ZSWIM5: variants seen among roughly 807,000 people sequenced by gnomAD.
ZSWIM5 encodes the protein zinc finger SWIM domain-containing protein 5.
ZSWIM5 carries 55 observed loss-of-function variants against 119.6 expected under a neutral mutation model. That is an observed-to-expected ratio of 0.46 (90% CI 0.37 to 0.58). ZSWIM5 has a LOEUF of 0.58. Among genes scored for constraint, ZSWIM5 ranks in the 20% least tolerant of loss-of-function variants. ZSWIM5 has a pLI of 0.00. For missense variants in ZSWIM5, 1,193 were observed against 1,512.8 expected, an observed-to-expected ratio of 0.79 and a Z score of 3.51; for synonymous variants, 537 against 606.9, an observed-to-expected ratio of 0.88 and a Z score of 1.69.
chr1:45,169,991 G>T (rs1213973352), intron 1 of ZSWIM5, among the ~76,000 whole-genome samples: 3 of 151,704 alleles, frequency 2.0e-5, no homozygotes, highest in African/African-American at 4.8e-5. Flanking sequence ...CAACATTTCT[G>T]TGTGTGTGTG....
At chr1:45,104,792 T>C (rs1645459957) in intron 1 of ZSWIM5, among the ~76,000 whole-genome samples, 1 of 152,206 alleles carries the variant, frequency 6.6e-6, no homozygotes, top group East Asian at 1.9e-4. Context: ...TGGTTTTCCC[T>C]GTATTAACCT....
chr1:45,112,352 A>T (rs1035297269), intron 1 of ZSWIM5, among the ~76,000 whole-genome samples: 1 of 152,234 alleles, frequency 6.6e-6, no homozygotes, highest in African/African-American at 2.4e-5. Context: ...CAGGTTACAT[A>T]ACTTGTCTGT....
At chr1:45,100,249 C>A (rs346729) in intron 1 of ZSWIM5, among the ~76,000 whole-genome samples, 23,480 of 152,018 alleles carry the variant, frequency 0.15, 1,835 homozygotes, top group African/African-American at 0.17. Flanking sequence ...TCCTATACAC[C>A]AATAACAGAC....
intron 4 of ZSWIM5, among the ~76,000 whole-genome samples, chr1:45,051,468 T>C (rs1645088146): frequency 6.6e-6 from 1 of 152,176 alleles, no homozygotes; most frequent in Non-Finnish European, 1.5e-5. Context: ...TCTGTGTGCC[T>C]GTGATATAAA....
At chr1:45,070,911 A>C (rs1645217925) in intron 2 of ZSWIM5, among the ~76,000 whole-genome samples, 1 of 152,218 alleles carries the variant, frequency 6.6e-6, no homozygotes, top group Non-Finnish European at 1.5e-5. Flanking sequence ...GAAATTAGCA[A>C]AACATGGTTC....
In ZSWIM5 at chr1:45,088,126, C is replaced by T. The variant is rs1490841970; in HGVS notation, c.707G>A (p.Gly236Asp). 3 of 1,614,148 alleles carry T rather than the reference C, an allele frequency of 1.9e-6. No individual in the cohort carries two copies. The South Asian group carries it at 3.3e-5, about 18-fold the overall frequency. Reference protein sequence around the residue: ...DRCKITSVTCGCGNKDIFYCA... With the variant: ...DRCKITSVTCDCGNKDIFYCA... ...GTAGAATATGTCCTTGTTCCCACAG[C>T]CACATGTCACTGAGGTGATTTTGCA... Residue 236 changes from glycine to aspartate, a missense_variant, in exon 2 of 14, where the codon GGC becomes GAC. Gly to Asp is a moderately conservative substitution (Grantham distance 94). Around this residue, in one of 2 missense-constraint regions of ZSWIM5, gnomAD observed 961 missense variants for 1,290.0 expected, o/e 0.74. Transcript: ENST00000359600. This position sits in a 1 kb window ranked among gnomAD's most constrained non-coding sequence, Gnocchi z 4.2.
In ZSWIM5 at chr1:45,180,317, T is replaced by C. The variant is rs151003241; in HGVS notation, c.595+25439A>G. ...GGCTCGGAGGGTCCTACCCACGGAG[T>C]CTCACTGATTGCTAGCACAGCAGTC... On this transcript the variant is annotated intron_variant, in intron 1 of 13. Transcript: ENST00000359600. Among the ~76,000 whole-genome samples the C allele has an allele frequency of 1.6e-3, 241 of 151,942 alleles. 6 individuals carry two copies. In the East Asian group the frequency reaches 0.038, roughly 24 times the overall value.
chr1:45,065,487 T>C (rs534285230), intron 2 of ZSWIM5, among the ~76,000 whole-genome samples: 1 of 152,250 alleles, frequency 6.6e-6, no homozygotes, highest in South Asian at 2.1e-4. Flanking sequence ...CGGCAGTAGC[T>C]GTGGAAGAAA....
intron 8 of ZSWIM5, among the ~76,000 whole-genome samples, chr1:45,038,153 T>TA (rs1264030599): frequency 6.6e-6 from 1 of 152,258 alleles, no homozygotes; most frequent in African/African-American, 2.4e-5. Context: ...GCTACTCTAA[T>TA]AGAGTCTTGA....
chr1:45,160,983 G>A (rs1152022), intron 1 of ZSWIM5, among the ~76,000 whole-genome samples: 23,949 of 127,376 alleles, frequency 0.19, 2,586 homozygotes, highest in African/African-American at 0.35. Context: ...CACCATGCCC[G>A]GCTAAATTTT....
chr1:45,068,491 C>T (rs564976904), intron 2 of ZSWIM5, among the ~76,000 whole-genome samples: 1,316 of 51,092 alleles, frequency 0.026, 13 homozygotes, highest in Non-Finnish European at 0.039. Context: ...AGCGAAACTC[C>T]GTCTCAAAAA....
At position 45,020,778 on chromosome 1, in the gene ZSWIM5, CA is replaced by C; in HGVS notation, c.2459del (p.Leu820Ter). On this transcript the variant is annotated frameshift_variant, in exon 12 of 14. Transcript: ENST00000359600. LOFTEE classifies it high-confidence loss of function. ...TMLTAAKGDT[L>X]RLRTILEAIQ... ...TTGCTTCCAGAATTGTTCGGAGTCT[CA>C]AAGTGTCTCCTATAGGTGTCAAGAG... The C allele has an allele frequency of 6.2e-7, 1 of 1,614,014 alleles. No individual in the cohort carries two copies. Among genetic ancestry groups the C allele is most frequent in the Non-Finnish European group, 8.5e-7 (1 of 1,179,962 alleles).
chr1:45,028,563 C>G (rs1235318090), intron 11 of ZSWIM5, among the ~76,000 whole-genome samples: 3 of 151,864 alleles, frequency 2.0e-5, no homozygotes, highest in African/African-American at 7.3e-5. Context: ...TGAGACCAGC[C>G]TGGCTATCAT....
intron 1 of ZSWIM5, among the ~76,000 whole-genome samples, chr1:45,098,489 G>A (rs999735291): frequency 6.6e-6 from 1 of 152,042 alleles, no homozygotes; most frequent in Non-Finnish European, 1.5e-5. Flanking sequence ...CTTTCCAATG[G>A]GGAAATAATA....
chr1:45,186,277 G>A (rs2149051303), intron 1 of ZSWIM5, among the ~76,000 whole-genome samples: 1 of 148,708 alleles, frequency 6.7e-6, no homozygotes, highest in South Asian at 2.2e-4. Context: ...GGGAGGGAGA[G>A]CATTAGGAGA....
At chr1:45,176,366 C>G (rs546328178) in intron 1 of ZSWIM5, among the ~76,000 whole-genome samples, 5 of 152,046 alleles carry the variant, frequency 3.3e-5, no homozygotes, top group African/African-American at 1.2e-4. Flanking sequence ...TGGGTTCAAG[C>G]GATTCTCCTG....
rs184647391 is a variant in ZSWIM5, at chr1:45,059,199, C to A, written c.1102-440G>T. ...GAACCTTATACAAGAATGTTTATAG[C>A]AGCACTATTCATAATAGCCAAAAGG... On this transcript the variant is annotated intron_variant, in intron 3 of 13. Coordinates refer to ENST00000359600, the MANE Select transcript of ZSWIM5 (RefSeq NM_020883.2). 3.0e-4 allele frequency among the ~76,000 whole-genome samples: 46 copies of A among 152,264 alleles called. 1 individual carries two copies. The highest frequency in any genetic ancestry group is 1.1e-3 in the African/African-American group (46 of 41,554).
intron 2 of ZSWIM5, among the ~76,000 whole-genome samples, chr1:45,068,507 A>AAT (rs1248562044): frequency 2.0e-5 from 3 of 151,464 alleles, no homozygotes; most frequent in African/African-American, 2.4e-5. Flanking sequence ...AAAAAAAAAA[A>AAT]ATTAATGTAT....
chr1:45,024,556 T>C (rs1363021512), intron 11 of ZSWIM5, among the ~76,000 whole-genome samples: 1 of 152,074 alleles, frequency 6.6e-6, no homozygotes, highest in African/African-American at 2.4e-5. Flanking sequence ...CATTTTTTCT[T>C]TCATGATTGT....
Sources: gnomAD v4.1 joint callset for allele counts (sites outside exome capture counted in the v4.1 genomes callset) on GRCh38, gnomAD v4.1.1 for gene constraint, gnomAD v4.1.1 regional missense constraint, Gnocchi (gnomAD v3.1) non-coding constraint, MANE v1.5 for transcripts, NCBI Gene and HGNC (gene_info 2026-07-23, HGNC 2026-07-21) for gene names.